Variants in PIK3CG observed in about 807,000 individuals in gnomAD.
PIK3CG encodes the protein phosphatidylinositol-4,5-bisphosphate 3-kinase catalytic subunit gamma.
PIK3CG carries 55 observed loss-of-function variants against 102.3 expected under a neutral mutation model. The ratio of observed to expected loss-of-function variants is 0.54; its 90% CI spans 0.43 to 0.67. The LOEUF (loss-of-function observed/expected upper bound fraction) is 0.67, where lower values mean the gene tolerates loss of function less well. Ranked by LOEUF, PIK3CG falls within the 30% of genes least tolerant of loss-of-function variation. The pLI is 0.00. For synonymous variants in PIK3CG, 552 were observed against 540.0 expected (o/e 1.02, Z -0.31); for missense variants, 1,258 against 1,391.8 (o/e 0.90, Z 1.53).
At chr7:106,882,005 AT>A in intron 6 of PIK3CG, 111 bp from the exon 7 acceptor site, 1 of 388,362 alleles carries the variant, frequency 2.6e-6, no homozygotes. Context: ...TATGTTTTAC[AT>A]TTACTCTTAT....
At chr7:106,873,071 T>C (rs1202958057) in intron 4 of PIK3CG, 133 bp downstream of exon 4, 13 of 651,020 alleles carry the variant, frequency 2.0e-5, no homozygotes, top group African/African-American at 3.7e-5. Flanking sequence ...ATTTTTGAGT[T>C]TTCTGTCTGC....
At position 106,895,605 on chromosome 7, in the gene PIK3CG, C is replaced by G. The variant is rs780944843; in HGVS notation, c.3030+9313C>G. ...GTTGGAGTGAGGCTTATCCCCAACT[C>G]CAACCTACCTCACCCCCTAGGCCTT... On this transcript the variant is annotated intron_variant, in intron 10 of 10. Transcript: ENST00000496166. This position sits in a 1 kb window ranked among gnomAD's most constrained non-coding sequence, Gnocchi z 5.4. Among the ~76,000 whole-genome samples the G allele has an allele frequency of 6.6e-5, 10 of 152,298 alleles. No homozygotes were observed. The highest frequency in any genetic ancestry group is 1.2e-4 in the Non-Finnish European group (8 of 68,018).
rs1208839249 is a variant in PIK3CG at position 106,869,376 on chromosome 7, C to A, written c.1815C>A (p.Ala605=). ...AATGGGGACAGCAAGAAATTGTGGC[C>A]AAAACATACCAATTGTTGGCCAGAA... ...SVKWGQQEIV[A]KTYQLLARRE... The change falls in exon 2 of 11, where the codon GCC becomes GCA. Residue 605 remains alanine (A), a synonymous_variant. Coordinates refer to ENST00000496166, the MANE Select transcript of PIK3CG (RefSeq NM_001282426.2). This position sits in a 1 kb window ranked among gnomAD's most constrained non-coding sequence, Gnocchi z 5.3. The A allele has an allele frequency of 6.2e-7, 1 of 1,614,046 alleles. No individual in the cohort carries two copies. The highest frequency in any genetic ancestry group is 2.2e-5 in the East Asian group (1 of 44,890).
In PIK3CG at chr7:106,908,381, A is replaced by G. The variant is rs1791745085; in HGVS notation, c.*2994A>G. On this transcript the variant is annotated 3_prime_UTR_variant, in exon 11 of 11. Coordinates refer to ENST00000496166, the MANE Select transcript of PIK3CG (RefSeq NM_001282426.2). The surrounding 1 kb of genome is among the most constrained non-coding windows in gnomAD (Gnocchi z 4.1). ...TGGTAAATGTAGTGCCTGGGTCAAA[A>G]TGTTCCTTCTGTTCAAATCGAAATA... 1.3e-5 allele frequency among the ~76,000 whole-genome samples: 2 copies of G among 152,166 alleles called. No homozygotes were observed. Among genetic ancestry groups the G allele is most frequent in the Admixed American group, 6.5e-5 (1 of 15,270 alleles).
In PIK3CG at chr7:106,883,125, A is replaced by T. The variant is rs1790992793; in HGVS notation, c.2722A>T (p.Asn908Tyr). 1.9e-6 allele frequency: 3 copies of T among 1,614,028 alleles called. No homozygotes were observed. Among genetic ancestry groups the T allele is most frequent in the African/African-American group, 1.3e-5 (1 of 74,926 alleles). The change falls in exon 8 of 11, where the codon AAT (asparagine) becomes TAT (tyrosine). Residue 908 changes from asparagine to tyrosine, a missense_variant. Physicochemically the swap from Asn to Tyr is moderately radical, Grantham distance 143. This residue lies in a region of PIK3CG where 426 missense variants were observed against 604.2 expected (regional missense o/e 0.71). Coordinates refer to ENST00000496166, the MANE Select transcript of PIK3CG (RefSeq NM_001282426.2). This position sits in a 1 kb window ranked among gnomAD's most constrained non-coding sequence, Gnocchi z 5.8. ...GGGAGCATTTAAAGATGAAGTCCTG[A>T]ATCACTGGCTCAAAGAAAAATCCCC... ...NTGAFKDEVL[N>Y]HWLKEKSPTE...
rs1791746453 is a variant in PIK3CG, at chr7:106,908,430, T to C, written c.*3043T>C. 6.6e-6 allele frequency among the ~76,000 whole-genome samples: 1 copy of C among 152,178 alleles called. No individual in the cohort carries two copies. The highest frequency in any genetic ancestry group is 2.1e-4 in the South Asian group (1 of 4,828). On this transcript the variant is annotated 3_prime_UTR_variant, in exon 11 of 11. Transcript: ENST00000496166. The surrounding 1 kb of genome is among the most constrained non-coding windows in gnomAD (Gnocchi z 4.1). ...TACCTCATCTCTATGGCTCTATGGC[T>C]GTACATTAGGACCTAGAACAGTGGC...
rs1791329420 is a variant in PIK3CG, at chr7:106,893,841, G to A, written c.3030+7549G>A. 6.6e-6 allele frequency among the ~76,000 whole-genome samples: 1 copy of A among 152,162 alleles called. No individual in the cohort carries two copies. Among genetic ancestry groups the A allele is most frequent in the Admixed American group, 6.5e-5 (1 of 15,276 alleles). The stretch of plus-strand genomic sequence containing the variant: ...AGAGTGAACTTACACAAACCTAGGT[G>A]GTAGTCTTCCACACACCTAGGCTAT... On this transcript the variant is annotated intron_variant, in intron 10 of 10. Transcript: ENST00000496166. This position sits in a 1 kb window ranked among gnomAD's most constrained non-coding sequence, Gnocchi z 4.4.
rs1032832347 is a variant in PIK3CG at position 106,899,704 on chromosome 7, G to A, written c.3031-5405G>A. Among the ~76,000 whole-genome samples, 3 of 152,124 alleles carry A rather than the reference G, an allele frequency of 2.0e-5. No individual in the cohort carries two copies. Among genetic ancestry groups the A allele is most frequent in the Non-Finnish European group, 4.4e-5 (3 of 68,012 alleles). On this transcript the variant is annotated intron_variant, in intron 10 of 10. Coordinates refer to ENST00000496166, the MANE Select transcript of PIK3CG (RefSeq NM_001282426.2). The surrounding 1 kb of genome is among the most constrained non-coding windows in gnomAD (Gnocchi z 4.6). ...TGTTGAACCAACCTTACATCCTGGG[G>A]ATGAAACCTACTTGATCATGGTGGA...
Position 106,902,335 on chromosome 7 carries a change from G to A in PIK3CG, c.3031-2774G>A, listed in dbSNP as rs182103312. On this transcript the variant is annotated intron_variant, in intron 10 of 10. Coordinates refer to ENST00000496166, the MANE Select transcript of PIK3CG (RefSeq NM_001282426.2). This position sits in a 1 kb window ranked among gnomAD's most constrained non-coding sequence, Gnocchi z 4.3. ...GGGTCAGCTGCAGCTTGCTGGAGGTGTAAAATCACCCTTTCTAGGTGTACA... is the reference window on the plus strand; with the variant it reads ...GGGTCAGCTGCAGCTTGCTGGAGGTATAAAATCACCCTTTCTAGGTGTACA... Among the ~76,000 whole-genome samples the A allele has an allele frequency of 2.0e-4, 31 of 152,252 alleles. No individual in the cohort carries two copies. The highest frequency in any genetic ancestry group is 7.0e-4 in the African/African-American group (29 of 41,528).
Position 106,901,238 on chromosome 7 carries a change from G to GT in PIK3CG, c.3031-3861dup, listed in dbSNP as rs759534107. Among the ~76,000 whole-genome samples, 432 of 146,136 alleles carry GT rather than the reference G, an allele frequency of 3.0e-3. 1 individual carries two copies. The highest frequency in any genetic ancestry group is 8.4e-3 in the Admixed American group (124 of 14,690). ...TTACATAATCCCATACTTCTCAGTGGTTTTTTTTTTCATTTCTTTTTTTTC... is the reference window on the plus strand; with the variant it reads ...TTACATAATCCCATACTTCTCAGTGGTTTTTTTTTTTCATTTCTTTTTTTTC... On this transcript the variant is annotated intron_variant, in intron 10 of 10. Coordinates refer to ENST00000496166, the MANE Select transcript of PIK3CG (RefSeq NM_001282426.2).
In PIK3CG at chr7:106,892,922, G is replaced by A. The variant is rs949674793; in HGVS notation, c.3030+6630G>A. ...ACATACAATCAGTATTTAGGAACAA[G>A]AAGTATATTTACCTGGTATGGATAG... On this transcript the variant is annotated intron_variant, in intron 10 of 10. Transcript: ENST00000496166. This position sits in a 1 kb window ranked among gnomAD's most constrained non-coding sequence, Gnocchi z 5.2. Among the ~76,000 whole-genome samples the A allele has an allele frequency of 6.6e-6, 1 of 152,156 alleles. No homozygotes were observed. Among genetic ancestry groups the A allele is most frequent in the Admixed American group, 6.5e-5 (1 of 15,272 alleles).
chr7:106,881,295 G>A (rs1790925012), intron 6 of PIK3CG, among the ~76,000 whole-genome samples: 2 of 152,132 alleles, frequency 1.3e-5, no homozygotes, highest in South Asian at 4.1e-4. Context: ...AGTTATTTAA[G>A]CTCTTTAAGG....
At chr7:106,900,842 CTTGG>C (rs1174663326) in intron 10 of PIK3CG, among the ~76,000 whole-genome samples, 1 of 152,092 alleles carries the variant, frequency 6.6e-6, no homozygotes, top group African/African-American at 2.4e-5. Flanking sequence ...ATATGAAATT[CTTGG>C]TTGAAGATTT....
intron 1 of PIK3CG, among the ~76,000 whole-genome samples, chr7:106,865,991 C>T (rs1265215036): frequency 6.6e-6 from 1 of 152,210 alleles, no homozygotes. Context: ...CCACAAGAGA[C>T]AGTTCTTTGG....
rs1305725678 is a variant in PIK3CG, at chr7:106,872,826, C to G, written c.2175C>G (p.Gly725=). 1 of 1,614,066 alleles carries G rather than the reference C, an allele frequency of 6.2e-7. No individual in the cohort carries two copies. Among genetic ancestry groups the G allele is most frequent in the South Asian group, 1.1e-5 (1 of 91,086 alleles). The part of the protein sequence containing the change: ...VILEAYLRGC[G]TAMLHDFTQQ... ...TGGAAGCCTATCTGAGGGGCTGTGG[C>G]ACAGCCATGCTGCACGACTTTACCC... The change falls in exon 4 of 11, where the codon GGC becomes GGG. Residue 725 remains glycine, a synonymous_variant. Transcript: ENST00000496166. This position sits in a 1 kb window ranked among gnomAD's most constrained non-coding sequence, Gnocchi z 5.3.
At chr7:106,888,482 G>A (rs1791171880) in intron 10 of PIK3CG, among the ~76,000 whole-genome samples, 2 of 152,066 alleles carry the variant, frequency 1.3e-5, no homozygotes, top group Admixed American at 6.6e-5. Context: ...TCCCACTATC[G>A]GCATCTTCCA....
rs1161710013 is a variant in PIK3CG at position 106,890,483 on chromosome 7, G to C, written c.3030+4191G>C. Among the ~76,000 whole-genome samples the C allele has an allele frequency of 6.6e-6, 1 of 152,208 alleles. No homozygotes were observed. The highest frequency in any genetic ancestry group is 1.5e-5 in the Non-Finnish European group (1 of 68,032). On this transcript the variant is annotated intron_variant, in intron 10 of 10. Coordinates refer to ENST00000496166, the MANE Select transcript of PIK3CG (RefSeq NM_001282426.2). The surrounding 1 kb of genome is among the most constrained non-coding windows in gnomAD (Gnocchi z 4.2). ...GGCGTGAGCCAGCGTGCCCAGCCCC[G>C]AATGTGTTGTTTTTTAAAATTTTAA...
chr7:106,866,195 C>T (rs925071852), intron 1 of PIK3CG, among the ~76,000 whole-genome samples: 1 of 152,150 alleles, frequency 6.6e-6, no homozygotes, highest in African/African-American at 2.4e-5. Flanking sequence ...AGTTTTAAGT[C>T]TAACATTAGT....
chr7:106,868,347 C>T lies in PIK3CG; in HGVS notation c.786C>T (p.Pro262=), dbSNP rs555666943. ...MAKKKSLMDI[P]ESQSEQDFVL... The stretch of plus-strand genomic sequence containing the variant: ...AGAAGAAATCTCTGATGGATATTCC[C>T]GAAAGCCAAAGCGAACAGGATTTTG... Residue 262 remains proline, a synonymous_variant, in exon 2 of 11, where the codon CCC becomes CCT. Transcript: ENST00000496166. The surrounding 1 kb of genome is among the most constrained non-coding windows in gnomAD (Gnocchi z 6.2). 5 of 1,614,074 alleles carry T rather than the reference C, an allele frequency of 3.1e-6. No individual in the cohort carries two copies. Among genetic ancestry groups the T allele is most frequent in the Admixed American group, 1.7e-5 (1 of 60,002 alleles).
Sources: gnomAD v4.1 joint callset for allele counts (sites outside exome capture counted in the v4.1 genomes callset) on GRCh38, gnomAD v4.1.1 for gene constraint, gnomAD v4.1.1 regional missense constraint, Gnocchi (gnomAD v3.1) non-coding constraint, MANE v1.5 for transcripts, NCBI Gene and HGNC (gene_info 2026-07-23, HGNC 2026-07-21) for gene names.